The following SPEG variants were observed in gnomAD, a reference collection of about 807,000 sequenced individuals.
SPEG encodes striated muscle preferentially expressed protein kinase.
In SPEG, 114 loss-of-function variants were observed where a neutral mutation model predicts 300.4. That is an observed-to-expected ratio of 0.38 (90% CI 0.33 to 0.44). The LOEUF (loss-of-function observed/expected upper bound fraction) is 0.44, where lower values mean the gene tolerates loss of function less well. Ranked by LOEUF, SPEG falls within the 20% of genes least tolerant of loss-of-function variation. The pLI is 1.00. For synonymous variants in SPEG, 1,964 were observed against 2,018.9 expected, an observed-to-expected ratio of 0.97 and a Z score of 0.73; for missense variants, 4,201 against 4,586.2, an observed-to-expected ratio of 0.92 and a Z score of 2.43.
At chr2:219,460,853 G>GGGCTGGGCA (rs1373886581) in intron 6 of SPEG, 30 of 986,156 alleles carry the variant, frequency 3.0e-5, no homozygotes, top group East Asian at 2.3e-4. Context: ...CGAGTGAGTG[G>GGGCTGGGCA]GGCTGGGCAG....
At position 219,476,143 on chromosome 2, in the gene SPEG, T is replaced by C. The variant is rs114950896; in HGVS notation, c.4448-727T>C. Among the ~76,000 whole-genome samples the C allele has an allele frequency of 3.2e-3, 364 of 112,402 alleles. 1 individual carries two copies. The highest frequency in any genetic ancestry group is 6.3e-3 in the Non-Finnish European group (284 of 45,204). The allele number at this position is 112,402 out of a possible 152,430, so 73.7% of individuals were successfully genotyped here. ...TAGAAGCTGCTTTACCAGGAAATCATATGACCATGTGATATGTATGGAGAA... is the reference window on the plus strand; with the variant it reads ...TAGAAGCTGCTTTACCAGGAAATCACATGACCATGTGATATGTATGGAGAA... On this transcript the variant is annotated intron_variant, in intron 18 of 40. Transcript: ENST00000312358.
Position 219,448,160 on chromosome 2 carries a change from G to T in SPEG, c.1002G>T (p.Ser334=). The T allele has an allele frequency of 6.2e-7, 1 of 1,610,388 alleles. No homozygotes were observed. The highest frequency in any genetic ancestry group is 8.5e-7 in the Non-Finnish European group (1 of 1,178,640). Residue 334 remains serine (S), a synonymous_variant, in exon 4 of 41, where the codon TCG becomes TCT. Coordinates refer to ENST00000312358, the MANE Select transcript of SPEG (RefSeq NM_005876.5). ...CCCAGCCCGCGGCCACCCCCACGTCGCCCCACCGTCGCACTCAGGAGCCTG... is the reference window on the plus strand; with the variant it reads ...CCCAGCCCGCGGCCACCCCCACGTCTCCCCACCGTCGCACTCAGGAGCCTG... ...PPAQPAATPT[S]PHRRTQEPVL...
At position 219,448,122 on chromosome 2, in the gene SPEG, C is replaced by G; in HGVS notation, c.964C>G (p.Pro322Ala). The change falls in exon 4 of 41, where the codon CCG becomes GCG. Residue 322 changes from proline (P) to alanine (A), a missense_variant. Pro to Ala is a conservative substitution (Grantham distance 27). Coordinates refer to ENST00000312358, the MANE Select transcript of SPEG (RefSeq NM_005876.5). ...PSPRVGKRSP[P>A]GPPAQPAATP... The stretch of plus-strand genomic sequence containing the variant: ...CCCTCGGGTCGGGAAGCGGTCCCCG[C>G]CGGGACCCCCGGCCCAGCCCGCGGC... 1.9e-6 allele frequency: 3 copies of G among 1,603,668 alleles called. No individual in the cohort carries two copies. The highest frequency in any genetic ancestry group is 2.6e-6 in the Non-Finnish European group (3 of 1,175,212).
rs763195558 is a variant in SPEG, at chr2:219,449,127, T to C, written c.1969T>C (p.Leu657=). The part of the protein sequence containing the change: ...GLEGAAVPQT[L]EKNRAGPEAE... ...GGAGGGCGCTGCTGTACCCCAGACC[T>C]TGGAGAAGAACAGGGCGGGGCCTGA... Residue 657 remains leucine (L), a synonymous_variant, in exon 4 of 41, where the codon TTG becomes CTG. Transcript: ENST00000312358. 61 of 1,453,956 alleles carry C rather than the reference T, an allele frequency of 4.2e-5. No homozygotes were observed. The highest frequency in any genetic ancestry group is 7.2e-6 in the Non-Finnish European group (8 of 1,105,364). The allele number at this position is 1,453,956 out of a possible 1,614,324, so 90.1% of individuals were successfully genotyped here. A position where few individuals can be genotyped will look rare whatever the true frequency, so the allele number is the denominator to read the frequency against.
Position 219,477,154 on chromosome 2 carries a change from A to G in SPEG, c.4561-123A>G, listed in dbSNP as rs1454970787. 5.8e-6 allele frequency: 6 copies of G among 1,027,296 alleles called. No individual in the cohort carries two copies. Among genetic ancestry groups the G allele is most frequent in the Non-Finnish European group, 7.0e-6 (5 of 714,628 alleles). The allele number at this position is 1,027,296 out of a possible 1,614,324, so 63.6% of individuals were successfully genotyped here. A position where few individuals can be genotyped will look rare whatever the true frequency, so the allele number is the denominator to read the frequency against. On this transcript the variant is annotated intron_variant, in intron 19 of 40. Coordinates refer to ENST00000312358, the MANE Select transcript of SPEG (RefSeq NM_005876.5). This position sits in a 1 kb window ranked among gnomAD's most constrained non-coding sequence, Gnocchi z 6.4. ...AGGGGTGCAGGGCTTTCTGTGGGAG[A>G]TAAGGGAGGAGCTGACTCTGGGTCC...
Position 219,489,896 on chromosome 2 carries a change from G to A in SPEG, c.8878G>A (p.Gly2960Ser). The A allele has an allele frequency of 6.3e-7, 1 of 1,594,626 alleles. No individual in the cohort carries two copies. The highest frequency in any genetic ancestry group is 1.7e-5 in the Admixed American group (1 of 58,924). Residue 2960 changes from glycine to serine, a missense_variant, in exon 36 of 41, where the codon GGT becomes AGT. This residue lies in a region of SPEG where 1,578 missense variants were observed against 1,506.0 expected (regional missense o/e 1.05). Transcript: ENST00000312358. The stretch of plus-strand genomic sequence containing the variant: ...GCCTGAGGGTACCACTCTTCGACAG[G>A]GTCCCCCTCAGAAACCCTACACCTT... Reference protein sequence around the residue: ...PRPEGTTLRQGPPQKPYTFLE... With the variant: ...PRPEGTTLRQSPPQKPYTFLE...
In SPEG at chr2:219,484,302, C is replaced by T; in HGVS notation, c.6839C>T (p.Ala2280Val). Residue 2280 changes from alanine (A) to valine (V), a missense_variant, in exon 30 of 41, where the codon GCC becomes GTC. Coordinates refer to ENST00000312358, the MANE Select transcript of SPEG (RefSeq NM_005876.5). ...CCCAAGCCCCACGCTGCTGTCTTTGCCAGGGTGGCCTCCCCACCTCCGGGA... is the reference window on the plus strand; with the variant it reads ...CCCAAGCCCCACGCTGCTGTCTTTGTCAGGGTGGCCTCCCCACCTCCGGGA... Reference protein sequence around the residue: ...SEPKPHAAVFARVASPPPGAP... With the variant: ...SEPKPHAAVFVRVASPPPGAP... 6.2e-7 allele frequency: 1 copy of T among 1,605,808 alleles called. No homozygotes were observed. The highest frequency in any genetic ancestry group is 8.5e-7 in the Non-Finnish European group (1 of 1,178,978).
At chr2:219,491,934 T>C in intron 39 of SPEG, 65 bp downstream of exon 39, 1 of 1,442,840 alleles carries the variant, frequency 6.9e-7, no homozygotes, top group African/African-American at 1.4e-5. Flanking sequence ...ACTCACCTTC[T>C]GCCAACACCC....
intron 30 of SPEG, 62 bp from the exon 31 acceptor site, chr2:219,485,284 C>T (rs2125564943): frequency 1.3e-6 from 2 of 1,558,414 alleles, no homozygotes; most frequent in Non-Finnish European, 8.7e-7. Context: ...CTGAGGGCTG[C>T]AGAGAGGTGG....
intron 38 of SPEG, 59 bp downstream of exon 38, chr2:219,491,015 C>A: frequency 7.4e-7 from 1 of 1,354,084 alleles, no homozygotes; most frequent in Non-Finnish European, 1.0e-6. Flanking sequence ...AGGCAGCAGC[C>A]AGGGCTCACC....
Position 219,464,444 on chromosome 2 carries a change from G to A in SPEG, c.2717G>A (p.Arg906His), listed in dbSNP as rs372084593. The change falls in exon 9 of 41, where the codon CGC becomes CAC. Residue 906 changes from arginine to histidine, a missense_variant. Arg to His is a conservative substitution (Grantham distance 29, BLOSUM62 0). Coordinates refer to ENST00000312358, the MANE Select transcript of SPEG (RefSeq NM_005876.5). This position sits in a 1 kb window ranked among gnomAD's most constrained non-coding sequence, Gnocchi z 4.5. Reference protein sequence around the residue: ...PKPVVSWLRNRQPVRPDQRRF... With the variant: ...PKPVVSWLRNHQPVRPDQRRF... ...TGCCCCTCTGACAGGCTGAGAAACC[G>A]CCAGCCCGTGCGCCCAGACCAGCGG... 1.9e-5 allele frequency: 30 copies of A among 1,610,032 alleles called. No homozygotes were observed. Among genetic ancestry groups the A allele is most frequent in the South Asian group, 1.2e-4 (11 of 90,974 alleles).
intron 38 of SPEG, 120 bp downstream of exon 38, chr2:219,491,076 A>C (rs1387805632): frequency 4.1e-6 from 3 of 735,852 alleles, no homozygotes; most frequent in Non-Finnish European, 6.7e-6. Context: ...GTATTCAAGC[A>C]ATGAACGAAG....
rs2125584873 is a variant in SPEG at position 219,488,213 on chromosome 2, C to T, written c.7761C>T (p.His2587=). The change falls in exon 32 of 41, where the codon CAC becomes CAT. Residue 2587 remains histidine (H), a synonymous_variant. Coordinates refer to ENST00000312358, the MANE Select transcript of SPEG (RefSeq NM_005876.5). ...CTCCAGACTTCCCCCCAGTCTTCCACATCAAACTCAAGGACCAGGTGCTGC... is the reference window on the plus strand; with the variant it reads ...CTCCAGACTTCCCCCCAGTCTTCCATATCAAACTCAAGGACCAGGTGCTGC... ...RSESDFPPVF[H]IKLKDQVLLE... The T allele has an allele frequency of 6.2e-7, 1 of 1,613,088 alleles. No homozygotes were observed. The highest frequency in any genetic ancestry group is 2.2e-5 in the East Asian group (1 of 44,856).
In SPEG at chr2:219,488,276, G is replaced by A. The variant is rs372312652; in HGVS notation, c.7824G>A (p.Ala2608=). 144 of 1,613,268 alleles carry A rather than the reference G, an allele frequency of 8.9e-5. 1 individual carries two copies. Among genetic ancestry groups the A allele is most frequent in the Middle Eastern group, 8.3e-4 (5 of 6,056 alleles). Residue 2608 remains alanine, a synonymous_variant, in exon 32 of 41, where the codon GCG becomes GCA. Transcript: ENST00000312358. ...CAGCCACCCTGCTCTGCCTGCCAGC[G>A]GCCTGCCCTGCACCGCACATCTCCT... The part of the protein sequence containing the change: ...GEAATLLCLP[A]ACPAPHISWM...
intron 3 of SPEG, among the ~76,000 whole-genome samples, chr2:219,446,552 G>A (rs766977065): frequency 1.3e-5 from 2 of 152,150 alleles, no homozygotes; most frequent in Non-Finnish European, 2.9e-5. Flanking sequence ...CCAGTCAGAG[G>A]TGGGTCTGTC....
Position 219,484,874 on chromosome 2 carries a change from A to G in SPEG, c.7411A>G (p.Ser2471Gly). The G allele has an allele frequency of 1.3e-6, 2 of 1,524,698 alleles. No homozygotes were observed. Among genetic ancestry groups the G allele is most frequent in the East Asian group, 5.1e-5 (2 of 39,430 alleles). 94.4% of individuals were successfully genotyped at this position (1,524,698 alleles called of 1,614,324 possible). ...LERLSSRLQR[S>G]GSSEDSGGAS... ...GCGGCTGTCCAGCCGATTGCAGCGC[A>G]GTGGCAGCAGCGAGGACTCGGGGGG... The change falls in exon 30 of 41, where the codon AGT (serine) becomes GGT (glycine). Residue 2471 changes from serine to glycine, a missense_variant. Transcript: ENST00000312358.
intron 38 of SPEG, 79 bp from the exon 39 acceptor site, chr2:219,491,715 C>T (rs1049086835): frequency 8.9e-7 from 1 of 1,126,820 alleles, no homozygotes; most frequent in Non-Finnish European, 1.3e-6. Context: ...TCCTGCTGCT[C>T]AAGCACCCAG....
In SPEG at chr2:219,485,430, C is replaced by T; in HGVS notation, c.7694C>T (p.Ala2565Val). ...GGGTTATCGCCACCAAACCTCTCTG[C>T]CAGCGTCCAGGAGGAGTTGGGTCAC... The part of the protein sequence containing the change: ...DKGLSPPNLS[A>V]SVQEELGHQY... Residue 2565 changes from alanine (A) to valine (V), a missense_variant, in exon 31 of 41, where the codon GCC becomes GTC. By Grantham distance (64) the Ala-to-Val change is moderately conservative. This residue lies in a region of SPEG where 1,578 missense variants were observed against 1,506.0 expected (regional missense o/e 1.05). Coordinates refer to ENST00000312358, the MANE Select transcript of SPEG (RefSeq NM_005876.5). The T allele has an allele frequency of 6.2e-7, 1 of 1,604,776 alleles. No individual in the cohort carries two copies. Among genetic ancestry groups the T allele is most frequent in the Non-Finnish European group, 8.5e-7 (1 of 1,175,238 alleles).
chr2:219,485,570 A>G, intron 31 of SPEG, 93 bp downstream of exon 31: 1 of 1,295,206 alleles, frequency 7.7e-7, no homozygotes, highest in Non-Finnish European at 1.0e-6. Flanking sequence ...GAGGTGGGCC[A>G]CCTTGACAAA....
Sources: allele counts gnomAD v4.1 joint callset (sites outside exome capture counted in the v4.1 genomes callset), GRCh38; gene constraint gnomAD v4.1.1; regional missense constraint gnomAD v4.1.1; non-coding constraint Gnocchi (gnomAD v3.1); transcripts MANE v1.5; gene names NCBI Gene and HGNC (gene_info 2026-07-23, HGNC 2026-07-21).